PVT1: variants seen among roughly 807,000 people sequenced by gnomAD.
PVT1 encodes Pvt1 oncogene.
chr8:127,870,898 G>C (rs764544818), intron 2 of PVT1, among the ~76,000 whole-genome samples: 10 of 152,198 alleles, frequency 6.6e-5, no homozygotes, highest in Admixed American at 2.6e-4. Context: ...GGTGAGTAGT[G>C]TTGCTGAATA....
intron 2 of PVT1, among the ~76,000 whole-genome samples, chr8:127,810,035 T>C (rs1422013491): frequency 6.6e-6 from 1 of 152,190 alleles, no homozygotes; most frequent in East Asian, 1.9e-4. Flanking sequence ...CCTCCCCATT[T>C]ATAAGGCTGC....
chr8:127,887,856 A>G (rs930182151), intron 2 of PVT1, among the ~76,000 whole-genome samples: 3 of 151,008 alleles, frequency 2.0e-5, no homozygotes, highest in Admixed American at 2.0e-4. Flanking sequence ...TAAATAAGAA[A>G]GAGTGTCTCT....
chr8:128,052,399 G>A (rs1009093874), intron 4 of PVT1, among the ~76,000 whole-genome samples: 37 of 152,334 alleles, frequency 2.4e-4, no homozygotes, highest in African/African-American at 8.9e-4. Context: ...GGGGAAGGGT[G>A]ATGTGAGTGA....
chr8:128,066,573 A>G (rs1295446449), intron 4 of PVT1, among the ~76,000 whole-genome samples: 1 of 152,212 alleles, frequency 6.6e-6, no homozygotes. Flanking sequence ...GTCACTCTGG[A>G]TCCATTGGTA....
At chr8:128,094,483 C>G (rs1337364474) in intron 5 of PVT1, among the ~76,000 whole-genome samples, 1 of 152,180 alleles carries the variant, frequency 6.6e-6, no homozygotes, top group Non-Finnish European at 1.5e-5. Context: ...AGAGCTTTCA[C>G]TCAATGATGG....
intron 3 of PVT1, among the ~76,000 whole-genome samples, chr8:127,980,344 C>G (rs1781737372): frequency 6.6e-6 from 1 of 152,186 alleles, no homozygotes; most frequent in East Asian, 1.9e-4. Flanking sequence ...GTCACGATTA[C>G]TACCCTTACG....
At chr8:127,918,160 G>A (rs531533498) in intron 3 of PVT1, among the ~76,000 whole-genome samples, 2 of 152,352 alleles carry the variant, frequency 1.3e-5, no homozygotes, top group South Asian at 2.1e-4. Flanking sequence ...CTGCGCCACC[G>A]GAATTCAGTT....
At chr8:128,052,461 C>T (rs912771201) in intron 4 of PVT1, among the ~76,000 whole-genome samples, 2 of 152,168 alleles carry the variant, frequency 1.3e-5, no homozygotes, top group Admixed American at 6.5e-5. Flanking sequence ...TATTTCTATG[C>T]TCCACCCAGC....
At chr8:127,905,525 G>A (rs369061394) in intron 3 of PVT1, among the ~76,000 whole-genome samples, 1 of 152,230 alleles carries the variant, frequency 6.6e-6, no homozygotes. Flanking sequence ...CACATCCATT[G>A]GTCATTTCTG....
At chr8:128,031,982 G>C (rs1813396271) in intron 4 of PVT1, among the ~76,000 whole-genome samples, 1 of 152,194 alleles carries the variant, frequency 6.6e-6, no homozygotes, top group African/African-American at 2.4e-5. Flanking sequence ...TGATGATGAT[G>C]ATGACGACGA....
At chr8:127,991,387 G>T (rs1172949751) in intron 4 of PVT1, among the ~76,000 whole-genome samples, 1 of 151,932 alleles carries the variant, frequency 6.6e-6, no homozygotes, top group Non-Finnish European at 1.5e-5. Context: ...CTTGTGATCT[G>T]CCCGCCTTGG....
intron 3 of PVT1, among the ~76,000 whole-genome samples, chr8:127,896,279 T>G (rs1361388363): frequency 6.6e-6 from 1 of 151,648 alleles, no homozygotes; most frequent in Non-Finnish European, 1.5e-5. Flanking sequence ...TGACAAGGAG[T>G]GGTCTCGGTG....
intron 2 of PVT1, among the ~76,000 whole-genome samples, chr8:127,812,248 C>CAGGAAGGA (rs1563611720): frequency 1.8e-5 from 2 of 112,040 alleles, no homozygotes; most frequent in Admixed American, 8.5e-5. Context: ...GGAAGGAAGG[C>CAGGAAGGA]AGGAAGGCAG....
chr8:127,843,896 T>C (rs1351821017), intron 2 of PVT1, among the ~76,000 whole-genome samples: 1 of 152,104 alleles, frequency 6.6e-6, no homozygotes, highest in Non-Finnish European at 1.5e-5. Context: ...CCAAAGCTGC[T>C]AAGTCCTGTG....
intron 2 of PVT1, among the ~76,000 whole-genome samples, chr8:127,842,645 C>A (rs1012415147): frequency 6.6e-6 from 1 of 152,128 alleles, no homozygotes; most frequent in Non-Finnish European, 1.5e-5. Context: ...CAAGACCCAG[C>A]CGTCTTGGAG....
intron 3 of PVT1, among the ~76,000 whole-genome samples, chr8:127,975,696 A>G (rs1816816117): frequency 6.6e-6 from 1 of 152,182 alleles, no homozygotes; most frequent in East Asian, 1.9e-4. Context: ...TTCAAACTTA[A>G]CAGTTGTCCC....
intron 4 of PVT1, among the ~76,000 whole-genome samples, chr8:128,008,430 A>T (rs1817272945): frequency 6.6e-6 from 1 of 152,216 alleles, no homozygotes; most frequent in Non-Finnish European, 1.5e-5. Flanking sequence ...GAGGAAACTG[A>T]TGCAAAAATG....
chr8:128,008,988 C>G (rs1419046200), intron 4 of PVT1: 1 of 509,650 alleles, frequency 2.0e-6, no homozygotes, highest in South Asian at 1.4e-5. Flanking sequence ...ATTGCAGCCA[C>G]CTATTCCCAG....
intron 3 of PVT1, among the ~76,000 whole-genome samples, chr8:127,952,206 T>C (rs1051648043): frequency 7.2e-5 from 11 of 152,190 alleles, no homozygotes. Context: ...CGATTGTAGA[T>C]CAAGAAACAG....
Sources: allele counts gnomAD v4.1 joint callset (sites outside exome capture counted in the v4.1 genomes callset), GRCh38; gene constraint gnomAD v4.1.1; transcripts MANE v1.5; gene names NCBI Gene and HGNC (gene_info 2026-07-23, HGNC 2026-07-21).